The following SRL variants were observed in gnomAD, a reference collection of about 807,000 sequenced individuals.
The protein encoded by SRL is sarcalumenin.
Under a neutral mutation model 39.5 loss-of-function variants are expected in SRL, and 23 were observed. The observed-to-expected ratio is 0.58, with a 90% CI of 0.42 to 0.82. The LOEUF (loss-of-function observed/expected upper bound fraction) is 0.82, where lower values mean the gene tolerates loss of function less well. Ranked by LOEUF, SRL falls within the 40% of genes least tolerant of loss-of-function variation. SRL has a pLI of 0.00. For missense variants in SRL, 592 were observed against 607.8 expected, an observed-to-expected ratio of 0.97 and a Z score of 0.27; for synonymous variants, 272 against 237.4, an observed-to-expected ratio of 1.15 and a Z score of -1.34.
intron 3 of SRL, among the ~76,000 whole-genome samples, chr16:4,200,340 G>A (rs537263286): frequency 1.3e-5 from 2 of 152,336 alleles, no homozygotes; most frequent in East Asian, 1.9e-4. Context: ...AGCCCTAGAT[G>A]TTCCGGTTCT....
At chr16:4,202,591 TC>T (rs2052251098) in intron 3 of SRL, among the ~76,000 whole-genome samples, 3 of 132,798 alleles carry the variant, frequency 2.3e-5, no homozygotes. Context: ...AGACTCCATC[TC>T]AAAAAAAAAA....
At chr16:4,240,591 T>C (rs2052762479) in intron 1 of SRL, among the ~76,000 whole-genome samples, 1 of 152,046 alleles carries the variant, frequency 6.6e-6, no homozygotes, top group Non-Finnish European at 1.5e-5. Context: ...CACAAGCACC[T>C]GCCTGCGTCC....
chr16:4,207,265 C>A (rs1180016166), intron 1 of SRL: 1 of 457,034 alleles, frequency 2.2e-6, no homozygotes, highest in Admixed American at 2.3e-5. Context: ...GCGTCCTCCT[C>A]AGTCATCTCT....
chr16:4,192,464 T>A lies in SRL; in HGVS notation c.1111A>T (p.Ile371Phe). Reference sequence around the variant, plus strand: ...TAGAATTTATCGGGATCTTCCACAATGTCCTTAAAGACCAGTTCTCCATCA... The same window carrying A: ...TAGAATTTATCGGGATCTTCCACAAAGTCCTTAAAGACCAGTTCTCCATCA... ...FSDGELVFKD[I>F]VEDPDKFYIF... The change falls in exon 6 of 6, where the codon ATT (isoleucine) becomes TTT (phenylalanine). Residue 371 changes from isoleucine (I) to phenylalanine (F), a missense_variant. Coordinates refer to ENST00000399609, the MANE Select transcript of SRL (RefSeq NM_001098814.2). The surrounding 1 kb of genome is among the most constrained non-coding windows in gnomAD (Gnocchi z 4.0). 1 of 1,614,180 alleles carries A rather than the reference T, an allele frequency of 6.2e-7. No individual in the cohort carries two copies. Among genetic ancestry groups the A allele is most frequent in the Non-Finnish European group, 8.5e-7 (1 of 1,180,036 alleles).
chr16:4,224,390 C>T (rs970585100), intron 1 of SRL, among the ~76,000 whole-genome samples: 4 of 152,020 alleles, frequency 2.6e-5, no homozygotes, highest in Non-Finnish European at 2.9e-5. Context: ...AGTACTAGAA[C>T]GTACAAGATA....
At chr16:4,213,554 G>A (rs904697556) in intron 1 of SRL, among the ~76,000 whole-genome samples, 2 of 151,088 alleles carry the variant, frequency 1.3e-5, no homozygotes, top group Non-Finnish European at 1.5e-5. Context: ...GGAACTCCAT[G>A]TGTGTGCCAC....
chr16:4,220,984 C>CA (rs139070979), intron 1 of SRL, among the ~76,000 whole-genome samples: 3,229 of 151,306 alleles, frequency 0.021, 155 homozygotes, highest in East Asian at 0.2. Flanking sequence ...GATCCTGTCT[C>CA]AAAAAAAACC....
rs2052075466 is a variant in SRL at position 4,192,219 on chromosome 16, T to C, written c.1356A>G (p.Pro452=). Residue 452 remains proline, a synonymous_variant, in exon 6 of 6, where the codon CCA becomes CCG. Coordinates refer to ENST00000399609, the MANE Select transcript of SRL (RefSeq NM_001098814.2). This position sits in a 1 kb window ranked among gnomAD's most constrained non-coding sequence, Gnocchi z 4.0. ...LLGSLGLGKN[P]GALNCDKTGC... ...CTGTTTTGTCACAGTTGAGAGCACC[T>C]GGATTCTTCCCGAGCCCGAGGCTAC... The C allele has an allele frequency of 6.2e-7, 1 of 1,606,450 alleles. No individual in the cohort carries two copies. The highest frequency in any genetic ancestry group is 8.5e-7 in the Non-Finnish European group (1 of 1,177,086).
chr16:4,238,718 GTTCATGTGAT>G lies in SRL; in HGVS notation c.61+3279_61+3288del, dbSNP rs2052739796. Among the ~76,000 whole-genome samples the G allele has an allele frequency of 2.0e-5, 3 of 151,454 alleles. No homozygotes were observed. The South Asian group carries it at 6.2e-4, about 32-fold the overall frequency. Reference sequence around the variant, plus strand: ...AACTCACTGCAGCCTGACCACCCAGGTTCATGTGATCCTCCCCCCTCGGCCTCTCAAGTAG... The same window carrying G: ...AACTCACTGCAGCCTGACCACCCAGGCCTCCCCCCTCGGCCTCTCAAGTAG... On this transcript the variant is annotated intron_variant, in intron 1 of 5. Coordinates refer to ENST00000399609, the MANE Select transcript of SRL (RefSeq NM_001098814.2).
chr16:4,218,497 C>G (rs1369804473), intron 1 of SRL, among the ~76,000 whole-genome samples: 1 of 152,190 alleles, frequency 6.6e-6, no homozygotes, highest in Non-Finnish European at 1.5e-5. Context: ...CAGGGCTGAG[C>G]CACAGAGATG....
At chr16:4,200,247 G>C (rs528744303) in intron 3 of SRL, among the ~76,000 whole-genome samples, 1 of 152,342 alleles carries the variant, frequency 6.6e-6, no homozygotes, top group Non-Finnish European at 1.5e-5. Context: ...GGGATAAGGA[G>C]GCTGAGAGGG....
intron 1 of SRL, among the ~76,000 whole-genome samples, chr16:4,228,530 T>C (rs927037135): frequency 6.6e-6 from 1 of 151,792 alleles, no homozygotes; most frequent in African/African-American, 2.4e-5. Flanking sequence ...GGTCAGGAGA[T>C]CGAGACCATC....
In SRL at chr16:4,202,517, T is replaced by C. The variant is rs529979763; in HGVS notation, c.259+649A>G. ...CTGAGGCAGAAGAATGGCGTGAACC[T>C]GGGAGGCAGAGCTTGCAGTGAGCCG... On this transcript the variant is annotated intron_variant, in intron 3 of 5. Coordinates refer to ENST00000399609, the MANE Select transcript of SRL (RefSeq NM_001098814.2). 4.0e-5 allele frequency among the ~76,000 whole-genome samples: 6 copies of C among 150,912 alleles called. No homozygotes were observed. The South Asian group carries it at 8.4e-4, about 21-fold the overall frequency.
chr16:4,216,390 G>A (rs529710314), intron 1 of SRL, among the ~76,000 whole-genome samples: 23 of 152,098 alleles, frequency 1.5e-4, no homozygotes, highest in African/African-American at 5.5e-4. Context: ...TCCTGCCTCA[G>A]CCTCCTGAGT....
chr16:4,223,151 G>C lies in SRL; in HGVS notation c.62-18517C>G, dbSNP rs190228495. 1.6e-3 allele frequency among the ~76,000 whole-genome samples: 236 copies of C among 148,982 alleles called. 1 individual carries two copies. Among genetic ancestry groups the C allele is most frequent in the African/African-American group, 5.5e-3 (222 of 40,298 alleles). On this transcript the variant is annotated intron_variant, in intron 1 of 5. Coordinates refer to ENST00000399609, the MANE Select transcript of SRL (RefSeq NM_001098814.2). ...GGAGGCTGAGGCAGGAGAATGGCATGAACCTAGGAGGTGGAGTTTGCAGTG... is the reference window on the plus strand; with the variant it reads ...GGAGGCTGAGGCAGGAGAATGGCATCAACCTAGGAGGTGGAGTTTGCAGTG...
At position 4,203,236 on chromosome 16, in the gene SRL, G is replaced by C; in HGVS notation, c.189C>G (p.Ile63Met). The change falls in exon 3 of 6, where the codon ATC becomes ATG. Residue 63 changes from isoleucine (I) to methionine (M), a missense_variant. Transcript: ENST00000399609. ...CCAGAGGCTTGATGGATGAGTGGTA[G>C]ATCTTCCGAAGCCGCTGCAGCACCG... is the stretch of plus-strand genomic sequence containing the variant. ...YSAVLQRLRK[I>M]YHSSIKPLEQ... is the part of the protein sequence containing the mutation. 1 of 1,614,132 alleles carries C rather than the reference G, an allele frequency of 6.2e-7. No homozygotes were observed. Among genetic ancestry groups the C allele is most frequent in the South Asian group, 1.1e-5 (1 of 91,080 alleles).
chr16:4,231,188 T>C (rs749573901), intron 1 of SRL, among the ~76,000 whole-genome samples: 12 of 152,106 alleles, frequency 7.9e-5, no homozygotes, highest in Non-Finnish European at 1.3e-4. Flanking sequence ...TGGTGGTGCA[T>C]GCCTATAGTC....
chr16:4,201,972 G>A (rs1376066775), intron 3 of SRL, among the ~76,000 whole-genome samples: 1 of 151,866 alleles, frequency 6.6e-6, no homozygotes, highest in African/African-American at 2.4e-5. Flanking sequence ...TGTATTTTTT[G>A]TAGAGATGGG....
At chr16:4,206,829 T>C (rs1281546954) in intron 1 of SRL, 1 of 456,764 alleles carries the variant, frequency 2.2e-6, no homozygotes, top group Admixed American at 2.3e-5. Context: ...TGTATTCAAT[T>C]CCTCCGGGCC....
Sources: gnomAD v4.1 joint callset for allele counts (sites outside exome capture counted in the v4.1 genomes callset) on GRCh38, gnomAD v4.1.1 for gene constraint, Gnocchi (gnomAD v3.1) non-coding constraint, MANE v1.5 for transcripts, NCBI Gene and HGNC (gene_info 2026-07-23, HGNC 2026-07-21) for gene names.